The following SLC17A6 variants were observed in gnomAD, a reference collection of about 807,000 sequenced individuals.
SLC17A6 encodes vesicular glutamate transporter 2.
A neutral mutation model predicts 67.1 loss-of-function variants in SLC17A6; 35 were observed. That is an observed-to-expected ratio of 0.52 (90% CI 0.40 to 0.69). The LOEUF is 0.69. Ranked by LOEUF, SLC17A6 falls within the 30% of genes least tolerant of loss-of-function variation. The probability of loss-of-function intolerance (pLI) is 0.00; values close to 1 mark genes in which losing one functional copy is unlikely to be tolerated. For missense variants in SLC17A6, 588 were observed against 723.9 expected, an observed-to-expected ratio of 0.81 and a Z score of 2.15; for synonymous variants, 285 against 252.3, an observed-to-expected ratio of 1.13 and a Z score of -1.23.
At chr11:22,369,214 T>C (rs1418123166) in intron 7 of SLC17A6, among the ~76,000 whole-genome samples, 2 of 151,978 alleles carry the variant, frequency 1.3e-5, no homozygotes, top group African/African-American at 4.8e-5. Flanking sequence ...TTTTAATGGC[T>C]AAAAATATTA....
At chr11:22,344,393 T>C (rs1376352553) in intron 3 of SLC17A6, among the ~76,000 whole-genome samples, 3 of 152,304 alleles carry the variant, frequency 2.0e-5, no homozygotes, top group South Asian at 2.1e-4. Context: ...TCAGGCCCCA[T>C]ACTGCATCTT....
At chr11:22,341,500 C>A (rs1288722150) in intron 1 of SLC17A6, 28 bp from the exon 2 acceptor site, 2 of 1,606,066 alleles carry the variant, frequency 1.2e-6, no homozygotes, top group Admixed American at 1.7e-5. Flanking sequence ...CCGCCAAGTC[C>A]TTGACTCGCC....
chr11:22,374,743 G>C lies in SLC17A6; in HGVS notation c.1042-12G>C. The C allele has an allele frequency of 6.3e-7, 1 of 1,576,952 alleles. No individual in the cohort carries two copies. The highest frequency in any genetic ancestry group is 8.6e-7 in the Non-Finnish European group (1 of 1,163,738). ...GTTATGTCTATTTCTCTCCCTTCTTGTTTTTCATCAGGTTGGTATGCTATC... is the reference window on the plus strand; with the variant it reads ...GTTATGTCTATTTCTCTCCCTTCTTCTTTTTCATCAGGTTGGTATGCTATC... On this transcript the variant is annotated splice_polypyrimidine_tract_variant and intron_variant, in intron 8 of 11. Transcript: ENST00000263160.
At chr11:22,377,381 C>A in intron 11 of SLC17A6, 24 bp from the exon 12 acceptor site, 2 of 1,571,866 alleles carry the variant, frequency 1.3e-6, no homozygotes, top group Non-Finnish European at 1.7e-6. Flanking sequence ...TCAGTTCTCA[C>A]AGTGCTGCTT....
At chr11:22,372,116 G>A (rs1252184755) in intron 8 of SLC17A6, among the ~76,000 whole-genome samples, 5 of 151,844 alleles carry the variant, frequency 3.3e-5, no homozygotes, top group African/African-American at 1.2e-4. Flanking sequence ...GTCATTCTCT[G>A]CAACTTTAGT....
chr11:22,343,058 T>C, intron 2 of SLC17A6, 189 bp from the exon 3 acceptor site: 1 of 658,782 alleles, frequency 1.5e-6, no homozygotes, highest in Non-Finnish European at 2.7e-6. Flanking sequence ...CAATACATTT[T>C]GTTAATGAGC....
Position 22,376,731 on chromosome 11 carries a change from T to A in SLC17A6, c.1413+59T>A. Reference sequence around the variant, plus strand: ...AGACAGTTTCTCAAAATGATAATCTTTTTGGAAAAGAGTTAAAATATTATC... The same window carrying A: ...AGACAGTTTCTCAAAATGATAATCTATTTGGAAAAGAGTTAAAATATTATC... On this transcript the variant is annotated intron_variant, in intron 11 of 11. Coordinates refer to ENST00000263160, the MANE Select transcript of SLC17A6 (RefSeq NM_020346.3). 10 of 1,585,174 alleles carry A rather than the reference T, an allele frequency of 6.3e-6. No individual in the cohort carries two copies. In the South Asian group the frequency reaches 1.0e-4, roughly 16 times the overall value.
intron 8 of SLC17A6, among the ~76,000 whole-genome samples, chr11:22,371,750 T>A (rs1856177635): frequency 1.3e-5 from 2 of 152,046 alleles, no homozygotes; most frequent in Admixed American, 1.3e-4. Flanking sequence ...ATGGGTTGAT[T>A]TATTTCATTC....
chr11:22,364,530 T>A (rs1416125801), intron 6 of SLC17A6, among the ~76,000 whole-genome samples: 2 of 152,172 alleles, frequency 1.3e-5, no homozygotes, highest in African/African-American at 4.8e-5. Flanking sequence ...TTATTCTGAA[T>A]TTTTAAGCAC....
chr11:22,377,146 G>A (rs904041087), intron 11 of SLC17A6, among the ~76,000 whole-genome samples: 2 of 152,144 alleles, frequency 1.3e-5, no homozygotes, highest in South Asian at 2.1e-4. Context: ...GAAAAAAAGA[G>A]ATTATGAATA....
Position 22,338,522 on chromosome 11 carries a change from G to A in SLC17A6, c.-12G>A. ...TTAAATCTGGCAAGAACTGACAACA[G>A]TCTTTGCAAGAATGGAATCCGTAAA... is the stretch of plus-strand genomic sequence containing the variant. On this transcript the variant is annotated 5_prime_UTR_variant, in exon 1 of 12. Transcript: ENST00000263160. The A allele has an allele frequency of 6.3e-7, 1 of 1,597,654 alleles. No homozygotes were observed. The highest frequency in any genetic ancestry group is 8.6e-7 in the Non-Finnish European group (1 of 1,165,486).
intron 7 of SLC17A6, among the ~76,000 whole-genome samples, chr11:22,366,341 TAAGG>T (rs971384562): frequency 6.6e-6 from 1 of 151,646 alleles, no homozygotes; most frequent in African/African-American, 2.4e-5. Context: ...AAACCGCGGT[TAAGG>T]GAGGACTACT....
At position 22,377,893 on chromosome 11, in the gene SLC17A6, C is replaced by T. The variant is rs1283364178; in HGVS notation, c.*153C>T. The T allele has an allele frequency of 4.9e-6, 3 of 606,846 alleles. No individual in the cohort carries two copies. Among genetic ancestry groups the T allele is most frequent in the Non-Finnish European group, 8.5e-6 (3 of 353,018 alleles). 37.6% of individuals were successfully genotyped at this position (606,846 alleles called of 1,614,324 possible). On this transcript the variant is annotated 3_prime_UTR_variant, in exon 12 of 12. Transcript: ENST00000263160. ...AAACAAAACAAACCCATGAGGTTAC[C>T]ATCAAGTGCAATCTGTAAAATTGTG... is the stretch of plus-strand genomic sequence containing the variant.
chr11:22,359,947 A>G (rs558290529), intron 4 of SLC17A6, among the ~76,000 whole-genome samples: 49 of 152,240 alleles, frequency 3.2e-4, no homozygotes, highest in Admixed American at 1.4e-3. Flanking sequence ...ATTTCATCGA[A>G]TGCATTTTTG....
chr11:22,374,029 T>A (rs1468767333), intron 8 of SLC17A6, among the ~76,000 whole-genome samples: 1 of 152,198 alleles, frequency 6.6e-6, no homozygotes, highest in Non-Finnish European at 1.5e-5. Context: ...TATGCGGTAA[T>A]ACATAATTCA....
At chr11:22,350,994 T>G (rs1855931563) in intron 3 of SLC17A6, among the ~76,000 whole-genome samples, 1 of 152,090 alleles carries the variant, frequency 6.6e-6, no homozygotes, top group Non-Finnish European at 1.5e-5. Context: ...ACTTTTACAA[T>G]TTAAAAAATC....
chr11:22,345,865 C>G (rs574563458), intron 3 of SLC17A6, among the ~76,000 whole-genome samples: 16 of 152,158 alleles, frequency 1.1e-4, no homozygotes, highest in African/African-American at 3.9e-4. Context: ...CAGCCTGATA[C>G]CCCTATTATT....
At position 22,376,099 on chromosome 11, in the gene SLC17A6, T is replaced by C; in HGVS notation, c.1285+7T>C. The C allele has an allele frequency of 6.2e-7, 1 of 1,600,010 alleles. No individual in the cohort carries two copies. Among genetic ancestry groups the C allele is most frequent in the South Asian group, 1.1e-5 (1 of 88,650 alleles). On this transcript the variant is annotated splice_region_variant and intron_variant, in intron 10 of 11. Transcript: ENST00000263160. Reference sequence around the variant, plus strand: ...AGTGGATTTGCTATATCTGGTAAGATATAATTTTTTTTCTTTGTACTTGGG... The same window carrying C: ...AGTGGATTTGCTATATCTGGTAAGACATAATTTTTTTTCTTTGTACTTGGG...
chr11:22,344,679 A>G (rs1327397017), intron 3 of SLC17A6, among the ~76,000 whole-genome samples: 2 of 152,210 alleles, frequency 1.3e-5, no homozygotes, highest in Non-Finnish European at 2.9e-5. Context: ...TATTGTGTAT[A>G]TGTACCACAT....
Sources: allele counts gnomAD v4.1 joint callset (sites outside exome capture counted in the v4.1 genomes callset), GRCh38; gene constraint gnomAD v4.1.1; transcripts MANE v1.5; gene names NCBI Gene and HGNC (gene_info 2026-07-23, HGNC 2026-07-21).